The following FAF1 variants were observed in gnomAD, a reference collection of about 807,000 sequenced individuals.
FAF1 encodes Fas associated factor 1.
In FAF1, 25 loss-of-function variants were observed where a neutral mutation model predicts 92.5. The ratio of observed to expected loss-of-function variants is 0.27; its 90% CI spans 0.20 to 0.38. The LOEUF is 0.38. Among genes scored for constraint, FAF1 ranks in the 10% least tolerant of loss-of-function variants. The pLI is 1.00. For synonymous variants in FAF1, 234 were observed against 273.2 expected, an observed-to-expected ratio of 0.86 and a Z score of 1.42; for missense variants, 636 against 793.3, an observed-to-expected ratio of 0.80 and a Z score of 2.38.
At chr1:50,607,536 G>A (rs981100609) in intron 8 of FAF1, among the ~76,000 whole-genome samples, 6 of 152,030 alleles carry the variant, frequency 3.9e-5, no homozygotes, top group African/African-American at 1.4e-4. Context: ...CCTTGCATGT[G>A]CCTACTCTTA....
intron 12 of FAF1, among the ~76,000 whole-genome samples, chr1:50,574,745 T>C (rs1650629669): frequency 6.6e-6 from 1 of 152,098 alleles, no homozygotes; most frequent in Non-Finnish European, 1.5e-5. Flanking sequence ...AATGCATTCT[T>C]ACTGAAAATC....
intron 6 of FAF1, among the ~76,000 whole-genome samples, chr1:50,722,082 T>C (rs1658433273): frequency 6.6e-6 from 1 of 152,240 alleles, no homozygotes; most frequent in Non-Finnish European, 1.5e-5. Flanking sequence ...TTTTTTCTAC[T>C]TTGAAAACAA....
At chr1:50,750,622 CTTTTTTTTTTT>C (rs200229291) in intron 4 of FAF1, among the ~76,000 whole-genome samples, 1 of 133,766 alleles carries the variant, frequency 7.5e-6, no homozygotes, top group Non-Finnish European at 1.6e-5. Flanking sequence ...TTTTTCTTTT[CTTTTTTTTTTT>C]TTTTTCATTT....
chr1:50,456,519 G>A (rs1010852203), intron 18 of FAF1, among the ~76,000 whole-genome samples: 10 of 152,158 alleles, frequency 6.6e-5, no homozygotes, highest in Non-Finnish European at 1.5e-4. Context: ...CTCAAGCTAT[G>A]AAGATACCAT....
chr1:50,474,783 G>A (rs1406329415), intron 18 of FAF1, among the ~76,000 whole-genome samples: 2 of 152,100 alleles, frequency 1.3e-5, no homozygotes, highest in Non-Finnish European at 2.9e-5. Flanking sequence ...ATCTGATAAA[G>A]TCTTCATTTA....
At chr1:50,444,659 C>A (rs762920839) in intron 18 of FAF1, among the ~76,000 whole-genome samples, 1 of 152,218 alleles carries the variant, frequency 6.6e-6, no homozygotes, top group Admixed American at 6.5e-5. Flanking sequence ...CAGCAACTAT[C>A]ACTTATCGAG....
At chr1:50,683,759 C>G (rs1383356079) in intron 7 of FAF1, among the ~76,000 whole-genome samples, 1 of 151,540 alleles carries the variant, frequency 6.6e-6, no homozygotes, top group African/African-American at 2.4e-5. Flanking sequence ...ACGGAGAAAC[C>G]CCGTCTCTAC....
rs555178742 is a variant in FAF1, at chr1:50,449,493, T to C, written c.1870-7970A>G. Among the ~76,000 whole-genome samples, 158 of 148,468 alleles carry C rather than the reference T, an allele frequency of 1.1e-3. 2 individuals carry two copies. The highest frequency in any genetic ancestry group is 1.9e-3 in the South Asian group (9 of 4,642). ...TGGGGGAACAACTTTTTCTTTCTTT[T>C]TTTTTTTTTTTTTTTGAGACAGAGT... is the stretch of plus-strand genomic sequence containing the variant. On this transcript the variant is annotated intron_variant, in intron 18 of 18. Coordinates refer to ENST00000396153, the MANE Select transcript of FAF1 (RefSeq NM_007051.3).
At chr1:50,666,160 C>T (rs1026497872) in intron 7 of FAF1, among the ~76,000 whole-genome samples, 3 of 152,048 alleles carry the variant, frequency 2.0e-5, no homozygotes, top group East Asian at 1.9e-4. Context: ...GTGATCTGCC[C>T]GCCTTGGCCT....
At chr1:50,574,271 GT>G (rs1650605684) in intron 12 of FAF1, among the ~76,000 whole-genome samples, 1 of 152,228 alleles carries the variant, frequency 6.6e-6, no homozygotes, top group South Asian at 2.1e-4. Context: ...TGTGGCAAAA[GT>G]TTTTATGAAT....
intron 4 of FAF1, among the ~76,000 whole-genome samples, chr1:50,752,019 G>C (rs1659888903): frequency 6.6e-6 from 1 of 152,012 alleles, no homozygotes; most frequent in African/African-American, 2.4e-5. Context: ...GCCCAGGCTG[G>C]AGTGCAGTGG....
rs577196959 is a variant in FAF1, at chr1:50,732,224, G to A, written c.551+6639C>T. On this transcript the variant is annotated intron_variant, in intron 6 of 18. Coordinates refer to ENST00000396153, the MANE Select transcript of FAF1 (RefSeq NM_007051.3). ...CGAGTAGCTGGGACTACAGGCGCCC[G>A]CCACCACGCCTGGCTAATTTTTTAT... 5.4e-4 allele frequency among the ~76,000 whole-genome samples: 82 copies of A among 152,010 alleles called. No homozygotes were observed. The East Asian group carries it at 0.013, about 25-fold the overall frequency.
chr1:50,928,578 T>C (rs1362953088), intron 1 of FAF1, among the ~76,000 whole-genome samples: 1 of 146,944 alleles, frequency 6.8e-6, no homozygotes, highest in Non-Finnish European at 1.5e-5. Flanking sequence ...GGTCAAGAGT[T>C]CGAGACCAGC....
intron 4 of FAF1, among the ~76,000 whole-genome samples, chr1:50,775,009 C>T (rs1301320204): frequency 6.6e-6 from 1 of 152,042 alleles, no homozygotes; most frequent in Non-Finnish European, 1.5e-5. Flanking sequence ...GCTTTCAAAC[C>T]TTGTTGCATC....
At chr1:50,904,973 G>C (rs888156313) in intron 1 of FAF1, among the ~76,000 whole-genome samples, 6 of 151,254 alleles carry the variant, frequency 4.0e-5, no homozygotes, top group Admixed American at 1.3e-4. Context: ...TGCCATGTTG[G>C]TGTGCTGCAC....
At chr1:50,723,421 G>T (rs996222546) in intron 6 of FAF1, among the ~76,000 whole-genome samples, 1 of 151,762 alleles carries the variant, frequency 6.6e-6, no homozygotes, top group African/African-American at 2.4e-5. Context: ...AAAATAAGTA[G>T]GATGAGAACT....
chr1:50,917,688 GGAAAGGAAAGGAAAA>G (rs1644930510), intron 1 of FAF1, among the ~76,000 whole-genome samples: 2 of 124,912 alleles, frequency 1.6e-5, no homozygotes, highest in African/African-American at 2.9e-5. Context: ...GGAAAGGAAA[GGAAAGGAAAGGAAAA>G]GAAAGAAAAC....
chr1:50,615,149 G>A (rs1026001112), intron 8 of FAF1, among the ~76,000 whole-genome samples: 5 of 152,182 alleles, frequency 3.3e-5, no homozygotes, highest in African/African-American at 1.2e-4. Context: ...TTGGTTGTCT[G>A]TTCGTGCATT....
At chr1:50,793,581 C>T (rs1661640046) in intron 3 of FAF1, among the ~76,000 whole-genome samples, 1 of 152,170 alleles carries the variant, frequency 6.6e-6, no homozygotes, top group Non-Finnish European at 1.5e-5. Context: ...GGAGTTAGGA[C>T]TGTAACGTAA....
Sources: gnomAD v4.1 joint callset for allele counts (sites outside exome capture counted in the v4.1 genomes callset) on GRCh38, gnomAD v4.1.1 for gene constraint, MANE v1.5 for transcripts, NCBI Gene and HGNC (gene_info 2026-07-23, HGNC 2026-07-21) for gene names.